Variants in CCDC175 observed in about 807,000 individuals in gnomAD.
The protein encoded by CCDC175 is coiled-coil domain containing 175, also known as coiled-coil domain-containing protein 175.
A neutral mutation model predicts 114.6 loss-of-function variants in CCDC175; 100 were observed. The observed-to-expected ratio is 0.87, with a 90% CI of 0.74 to 1.03. The LOEUF (loss-of-function observed/expected upper bound fraction) is 1.03. CCDC175 is among the 50% of genes least tolerant of loss of function. The pLI, the probability that CCDC175 is intolerant of heterozygous loss-of-function variation, is 0.00. For synonymous variants in CCDC175, 306 were observed against 308.7 expected, an observed-to-expected ratio of 0.99 and a Z score of 0.09; for missense variants, 880 against 917.8, an observed-to-expected ratio of 0.96 and a Z score of 0.53.
At chr14:59,555,185 C>T (rs1401319946) in intron 7 of CCDC175, among the ~76,000 whole-genome samples, 1 of 152,184 alleles carries the variant, frequency 6.6e-6, no homozygotes, top group Non-Finnish European at 1.5e-5. Flanking sequence ...AGACCAATAT[C>T]CCTGATGAAC....
chr14:59,525,395 C>A lies in CCDC175; in HGVS notation c.1882G>T (p.Glu628Ter). Residue 628 changes from glutamate to a stop codon, truncating the protein, a stop_gained, in exon 16 of 20, where the codon GAA becomes TAA. Transcript: ENST00000537690. LOFTEE classifies it high-confidence loss of function. ...AAATGATCTTTGTTTTTTTTGCTTT[C>A]TTGATCTCGTAATTGTTGTAATTCT... ...KQELQQLRDQ[E>*]SKKNKDHFET... 6.6e-7 allele frequency: 1 copy of A among 1,517,880 alleles called. No individual in the cohort carries two copies. The highest frequency in any genetic ancestry group is 1.4e-5 in the African/African-American group (1 of 71,320). 94.0% of individuals were successfully genotyped at this position (1,517,880 alleles called of 1,614,324 possible). A position where few individuals can be genotyped will look rare whatever the true frequency, so the allele number is the denominator to read the frequency against.
chr14:59,537,175 A>C (rs1343942828), intron 13 of CCDC175, among the ~76,000 whole-genome samples: 1 of 152,146 alleles, frequency 6.6e-6, no homozygotes, highest in African/African-American at 2.4e-5. Flanking sequence ...TTTTTCTCCT[A>C]GTATTTTTGT....
intron 5 of CCDC175, among the ~76,000 whole-genome samples, chr14:59,564,207 A>G (rs921145524): frequency 1.3e-5 from 2 of 152,220 alleles, no homozygotes; most frequent in African/African-American, 2.4e-5. Context: ...TTTACAACGT[A>G]CTAAGCAAAC....
chr14:59,556,191 T>C (rs370711028), intron 7 of CCDC175, among the ~76,000 whole-genome samples: 2 of 152,142 alleles, frequency 1.3e-5, no homozygotes, highest in African/African-American at 4.8e-5. Flanking sequence ...GGAGGCATCA[T>C]GCTACCTGAC....
In CCDC175 at chr14:59,525,419, C is replaced by G. The variant is rs1893685940; in HGVS notation, c.1858G>C (p.Glu620Gln). The G allele has an allele frequency of 5.3e-6, 8 of 1,512,500 alleles. No individual in the cohort carries two copies. Among genetic ancestry groups the G allele is most frequent in the Non-Finnish European group, 6.1e-6 (7 of 1,140,070 alleles). 93.7% of individuals were successfully genotyped at this position (1,512,500 alleles called of 1,614,324 possible). A position where few individuals can be genotyped will look rare whatever the true frequency, so the allele number is the denominator to read the frequency against. ...YISNMEDVKQ[E>Q]LQQLRDQESK... ...TCTTGATCTCGTAATTGTTGTAATT[C>G]TTGTTTTACATCTTCCTGCTCAAAC... The change falls in exon 16 of 20, where the codon GAA (glutamate) becomes CAA (glutamine). Residue 620 changes from glutamate (E) to glutamine (Q), a missense_variant. Glu to Gln is a conservative substitution (Grantham distance 29). Coordinates refer to ENST00000537690, the MANE Select transcript of CCDC175 (RefSeq NM_001164399.2).
At chr14:59,576,110 A>G (rs2140141712) in intron 1 of CCDC175, among the ~76,000 whole-genome samples, 1 of 152,294 alleles carries the variant, frequency 6.6e-6, no homozygotes, top group African/African-American at 2.4e-5. Flanking sequence ...ACCTGGCCCT[A>G]TCCAAGGTCA....
intron 12 of CCDC175, among the ~76,000 whole-genome samples, 165 bp downstream of exon 12, chr14:59,538,540 C>T (rs1388880465): frequency 1.3e-5 from 2 of 152,148 alleles, no homozygotes; most frequent in Non-Finnish European, 2.9e-5. Flanking sequence ...AGTTAATATA[C>T]AGCAAGTGAA....
intron 17 of CCDC175, among the ~76,000 whole-genome samples, chr14:59,515,659 T>G (rs1464754558): frequency 6.6e-6 from 1 of 152,124 alleles, no homozygotes; most frequent in African/African-American, 2.4e-5. Context: ...GCACCCAGAT[T>G]CATAAAGCAA....
rs1353833250 is a variant in CCDC175, at chr14:59,538,154, T to C, written c.1492A>G (p.Thr498Ala). The C allele has an allele frequency of 1.3e-6, 2 of 1,531,596 alleles. No homozygotes were observed. The highest frequency in any genetic ancestry group is 1.2e-5 in the South Asian group (1 of 82,838). 94.9% of individuals were successfully genotyped at this position (1,531,596 alleles called of 1,614,324 possible). ...EVRRIELLNE[T>A]SFRQQEISGF... ...CTGATCTCCTGTTGTCTGAAACTGGTCTAATTAGAGAAAAATAAGAATTTG... is the reference window on the plus strand; with the variant it reads ...CTGATCTCCTGTTGTCTGAAACTGGCCTAATTAGAGAAAAATAAGAATTTG... Residue 498 changes from threonine (T) to alanine (A), a missense_variant and splice_region_variant, in exon 13 of 20, where the codon ACC becomes GCC. Thr to Ala is a moderately conservative substitution (Grantham distance 58). Coordinates refer to ENST00000537690, the MANE Select transcript of CCDC175 (RefSeq NM_001164399.2).
At chr14:59,554,912 C>G (rs1416179636) in intron 7 of CCDC175, among the ~76,000 whole-genome samples, 1 of 152,096 alleles carries the variant, frequency 6.6e-6, no homozygotes. Context: ...GAAGACTAAA[C>G]CAGGAAGAAG....
At chr14:59,509,104 T>C (rs566513794) in intron 19 of CCDC175, among the ~76,000 whole-genome samples, 58 of 152,324 alleles carry the variant, frequency 3.8e-4, no homozygotes, top group Middle Eastern at 6.8e-3. Flanking sequence ...AGTAATTCAG[T>C]GAAACTTTCT....
chr14:59,568,462 C>A (rs1401562902), intron 3 of CCDC175, 82 bp from the exon 4 acceptor site: 1 of 1,079,120 alleles, frequency 9.3e-7, no homozygotes, highest in African/African-American at 1.7e-5. Flanking sequence ...AAAAAGCTTT[C>A]TTTGAAATAT....
intron 17 of CCDC175, among the ~76,000 whole-genome samples, chr14:59,520,697 G>A (rs535865765): frequency 6.6e-6 from 1 of 152,308 alleles, no homozygotes; most frequent in Non-Finnish European, 1.5e-5. Context: ...AGTGAGACAT[G>A]CAACAACTTA....
chr14:59,571,148 TA>T (rs35713404), intron 3 of CCDC175, among the ~76,000 whole-genome samples: 83,322 of 128,126 alleles, frequency 0.65, 26,683 homozygotes, highest in East Asian at 0.97. Flanking sequence ...GAAATTTACC[TA>T]AAAAAAAAAA....
chr14:59,508,656 A>G (rs1892586278), intron 19 of CCDC175, among the ~76,000 whole-genome samples: 1 of 151,502 alleles, frequency 6.6e-6, no homozygotes, highest in Non-Finnish European at 1.5e-5. Context: ...CCTATGTTGA[A>G]ACAATCTCCA....
intron 17 of CCDC175, among the ~76,000 whole-genome samples, chr14:59,517,288 C>T (rs1893148384): frequency 6.6e-6 from 1 of 152,188 alleles, no homozygotes; most frequent in African/African-American, 2.4e-5. Flanking sequence ...CTCACCACTC[C>T]TATTCAACAT....
intron 13 of CCDC175, among the ~76,000 whole-genome samples, chr14:59,534,272 T>C (rs1448591425): frequency 6.6e-6 from 1 of 152,164 alleles, no homozygotes; most frequent in African/African-American, 2.4e-5. Flanking sequence ...CAGATCCTTC[T>C]AGATCCTTTC....
chr14:59,549,342 G>T (rs1313771584), intron 8 of CCDC175, among the ~76,000 whole-genome samples: 4 of 152,152 alleles, frequency 2.6e-5, no homozygotes, highest in African/African-American at 9.7e-5. Context: ...AAAGCGACCT[G>T]TCTCTGCAAA....
chr14:59,570,184 G>A (rs533777324), intron 3 of CCDC175, among the ~76,000 whole-genome samples: 5 of 152,292 alleles, frequency 3.3e-5, no homozygotes, highest in East Asian at 1.9e-4. Flanking sequence ...AGGGGTACTG[G>A]TGGAAGCTGC....
Sources: allele counts gnomAD v4.1 joint callset (sites outside exome capture counted in the v4.1 genomes callset), GRCh38; gene constraint gnomAD v4.1.1; transcripts MANE v1.5; gene names NCBI Gene and HGNC (gene_info 2026-07-23, HGNC 2026-07-21).